The following NFASC variants were observed in gnomAD, a reference collection of about 807,000 sequenced individuals.
NFASC encodes neurofascin.
NFASC carries 43 observed loss-of-function variants against 147.5 expected under a neutral mutation model. That is an observed-to-expected ratio of 0.29 (90% confidence interval 0.23 to 0.38). The LOEUF is 0.38. Among genes scored for constraint, NFASC ranks in the 10% least tolerant of loss-of-function variants. NFASC has a pLI of 1.00. For missense variants in NFASC, 1,320 were observed against 1,689.0 expected, an observed-to-expected ratio of 0.78 and a Z score of 3.83; for synonymous variants, 622 against 665.5, an observed-to-expected ratio of 0.93 and a Z score of 1.01.
At chr1:204,860,746 T>G (rs535765402) in intron 1 of NFASC, among the ~76,000 whole-genome samples, 26 of 152,212 alleles carry the variant, frequency 1.7e-4, no homozygotes, top group Non-Finnish European at 3.2e-4. Context: ...CTTCCCATTC[T>G]TTCTTCCCTT....
intron 2 of NFASC, among the ~76,000 whole-genome samples, chr1:204,941,323 T>C (rs2093350808): frequency 6.6e-6 from 1 of 152,250 alleles, no homozygotes; most frequent in East Asian, 1.9e-4. Context: ...CACAGCTAAA[T>C]GTGATTATCT....
chr1:204,930,626 A>G (rs2092281801), intron 2 of NFASC, among the ~76,000 whole-genome samples: 1 of 152,216 alleles, frequency 6.6e-6, no homozygotes, highest in African/African-American at 2.4e-5. Context: ...GCAGGAGGAA[A>G]TGACCAGTGG....
intron 8 of NFASC, among the ~76,000 whole-genome samples, chr1:204,965,140 G>T (rs1044748203): frequency 1.3e-5 from 2 of 152,170 alleles, no homozygotes; most frequent in African/African-American, 4.8e-5. Flanking sequence ...CTCTGAGTTT[G>T]ATCAGGCATT....
intron 1 of NFASC, among the ~76,000 whole-genome samples, chr1:204,868,067 G>A (rs747528606): frequency 3.3e-5 from 5 of 152,218 alleles, no homozygotes; most frequent in African/African-American, 7.2e-5. Flanking sequence ...CAAGTTTCCC[G>A]TTGTAATAGC....
intron 1 of NFASC, among the ~76,000 whole-genome samples, chr1:204,883,152 T>C (rs1014640750): frequency 2.6e-5 from 4 of 152,122 alleles, no homozygotes; most frequent in Admixed American, 2.0e-4. Context: ...AGAATGGCAC[T>C]GGATGACTCG....
intron 1 of NFASC, among the ~76,000 whole-genome samples, chr1:204,862,140 G>A (rs1269559891): frequency 1.3e-5 from 2 of 152,120 alleles, no homozygotes. Flanking sequence ...TTCTTGCCTT[G>A]ATAATCATTC....
intron 1 of NFASC, among the ~76,000 whole-genome samples, chr1:204,849,540 A>T (rs2075481452): frequency 6.6e-6 from 1 of 152,148 alleles, no homozygotes; most frequent in South Asian, 2.1e-4. Flanking sequence ...GGTTCTGCTG[A>T]TGCTGCTGGT....
At chr1:204,901,033 G>A (rs1042509155) in intron 1 of NFASC, among the ~76,000 whole-genome samples, 5 of 152,090 alleles carry the variant, frequency 3.3e-5, no homozygotes, top group Admixed American at 6.5e-5. Flanking sequence ...GGTGTAAGGT[G>A]AGAGAGAAAG....
intron 1 of NFASC, among the ~76,000 whole-genome samples, chr1:204,909,266 T>A (rs1291021047): frequency 6.6e-6 from 1 of 152,252 alleles, no homozygotes; most frequent in Non-Finnish European, 1.5e-5. Context: ...CAATTTTTTT[T>A]AAATTTAGTC....
At chr1:204,915,702 G>C (rs1292044173) in intron 1 of NFASC, among the ~76,000 whole-genome samples, 1 of 152,158 alleles carries the variant, frequency 6.6e-6, no homozygotes, top group African/African-American at 2.4e-5. Flanking sequence ...TTTGCCCTGA[G>C]CACAGTCTAA....
At chr1:204,955,372 G>A (rs2094378321) in intron 7 of NFASC, among the ~76,000 whole-genome samples, 1 of 152,202 alleles carries the variant, frequency 6.6e-6, no homozygotes, top group Non-Finnish European at 1.5e-5. Flanking sequence ...TAGGGGAGAA[G>A]AGGAGAAATG....
At chr1:204,971,714 G>A (rs1036592071) in intron 11 of NFASC, among the ~76,000 whole-genome samples, 1 of 152,212 alleles carries the variant, frequency 6.6e-6, no homozygotes, top group African/African-American at 2.4e-5. Context: ...AGGAAGTGGT[G>A]AAGTTGTGGG....
chr1:204,986,124 G>A lies in NFASC; in HGVS notation c.2471-1294G>A, dbSNP rs751979943. Reference sequence around the variant, plus strand: ...ACCACCCCGGAAGGAGGTAGGTCTGGCCTGCAGCTCTTCAGGGTGGGGCAG... The same window carrying A: ...ACCACCCCGGAAGGAGGTAGGTCTGACCTGCAGCTCTTCAGGGTGGGGCAG... On this transcript the variant is annotated intron_variant, in intron 21 of 29. Coordinates refer to ENST00000339876, the MANE Select transcript of NFASC (RefSeq NM_001005388.3). The surrounding 1 kb of genome is among the most constrained non-coding windows in gnomAD (Gnocchi z 4.2). 1 of 1,605,902 alleles carries A rather than the reference G, an allele frequency of 6.2e-7. No homozygotes were observed. Among genetic ancestry groups the A allele is most frequent in the Non-Finnish European group, 8.5e-7 (1 of 1,172,482 alleles).
At chr1:204,948,066 C>A (rs1006549510) in intron 3 of NFASC, among the ~76,000 whole-genome samples, 1 of 152,238 alleles carries the variant, frequency 6.6e-6, no homozygotes, top group African/African-American at 2.4e-5. Context: ...CGTGCTCCAT[C>A]TCCTGAGGGA....
Position 204,975,678 on chromosome 1 carries a change from A to G in NFASC, c.1706+260A>G, listed in dbSNP as rs573929377. On this transcript the variant is annotated intron_variant, in intron 15 of 29. Transcript: ENST00000339876. This position sits in a 1 kb window ranked among gnomAD's most constrained non-coding sequence, Gnocchi z 4.0. ...CACCTCCTCTCTCTCCCTCTTCTCA[A>G]TCTCTTCACTTCTCCTCTCCCTGTC... Among the ~76,000 whole-genome samples the G allele has an allele frequency of 6.6e-6, 1 of 150,742 alleles. No homozygotes were observed. The highest frequency in any genetic ancestry group is 2.4e-5 in the African/African-American group (1 of 40,980).
At position 205,016,517 on chromosome 1, in the gene NFASC, A is replaced by G. The variant is rs751819375; in HGVS notation, c.3701A>G (p.Asn1234Ser). The G allele has an allele frequency of 6.2e-7, 1 of 1,613,826 alleles. No individual in the cohort carries two copies. Among genetic ancestry groups the G allele is most frequent in the South Asian group, 1.1e-5 (1 of 91,078 alleles). ...NESSEATSPV[N>S]AIYSLA ...AGCTCAGAGGCCACGTCACCTGTCA[A>G]TGCTATCTACTCTCTGGCCTAACGG... Residue 1234 changes from asparagine (N) to serine (S), a missense_variant, in exon 30 of 30, where the codon AAT becomes AGT. Physicochemically the swap from Asn to Ser is conservative, Grantham distance 46 (BLOSUM62 1). This residue lies in a region of NFASC where 167 missense variants were observed against 233.8 expected (regional missense o/e 0.71). Transcript: ENST00000339876. The surrounding 1 kb of genome is among the most constrained non-coding windows in gnomAD (Gnocchi z 5.1).
rs555946532 is a variant in NFASC at position 205,021,296 on chromosome 1, G to A, written c.*4757G>A. On this transcript the variant is annotated 3_prime_UTR_variant, in exon 30 of 30. Coordinates refer to ENST00000339876, the MANE Select transcript of NFASC (RefSeq NM_001005388.3). The stretch of plus-strand genomic sequence containing the variant: ...TGGGCCTTCCTGAGACACATTCAGA[G>A]AAGGATCAGAGAGAAAGGAGAACCA... 1.3e-5 allele frequency: 2 copies of A among 152,724 alleles called. No individual in the cohort carries two copies. Among genetic ancestry groups the A allele is most frequent in the Admixed American group, 6.5e-5 (1 of 15,282 alleles). The allele number at this position is 152,724 out of a possible 1,614,324, so 9.5% of individuals were successfully genotyped here. A position where few individuals can be genotyped will look rare whatever the true frequency, so the allele number is the denominator to read the frequency against.
At chr1:204,887,743 T>A (rs2081593705) in intron 1 of NFASC, among the ~76,000 whole-genome samples, 1 of 151,876 alleles carries the variant, frequency 6.6e-6, no homozygotes, top group Non-Finnish European at 1.5e-5. Flanking sequence ...ACCACAGGTG[T>A]GTACCACAAC....
chr1:204,873,351 G>T (rs1295391271), intron 1 of NFASC, among the ~76,000 whole-genome samples: 1 of 152,222 alleles, frequency 6.6e-6, no homozygotes, highest in Non-Finnish European at 1.5e-5. Context: ...CAACCAGCCA[G>T]CAGCTCTGGG....
Sources: allele counts gnomAD v4.1 joint callset (sites outside exome capture counted in the v4.1 genomes callset), GRCh38; gene constraint gnomAD v4.1.1; regional missense constraint gnomAD v4.1.1; non-coding constraint Gnocchi (gnomAD v3.1); transcripts MANE v1.5; gene names NCBI Gene and HGNC (gene_info 2026-07-23, HGNC 2026-07-21).